The following ADK variants were observed in gnomAD, a reference collection of about 807,000 sequenced individuals.
The protein encoded by ADK is adenosine kinase.
Under a neutral mutation model 44.7 loss-of-function variants are expected in ADK, and 24 were observed. The ratio of observed to expected loss-of-function variants is 0.54; its 90% CI spans 0.39 to 0.76. ADK has a LOEUF of 0.76. Among genes scored for constraint, ADK ranks in the 30% least tolerant of loss-of-function variants. The pLI, the probability that ADK is intolerant of heterozygous loss-of-function variation, is 0.00. For missense variants in ADK, 321 were observed against 425.1 expected (o/e 0.76, Z 2.15); for synonymous variants, 128 against 142.6 (o/e 0.90, Z 0.73).
At chr10:74,448,877 T>G (rs1368595547) in intron 6 of ADK, among the ~76,000 whole-genome samples, 4 of 149,052 alleles carry the variant, frequency 2.7e-5, no homozygotes, top group Non-Finnish European at 4.4e-5. Context: ...GTATACTGCC[T>G]TTTTTAAAAA....
intron 1 of ADK, among the ~76,000 whole-genome samples, chr10:74,165,352 AAC>A (rs1325032360): frequency 6.6e-6 from 1 of 152,170 alleles, no homozygotes; most frequent in East Asian, 1.9e-4. Flanking sequence ...TCAGTAAGGT[AAC>A]ACAGTAAGTT....
chr10:74,571,375 C>G (rs1219479466), intron 7 of ADK, among the ~76,000 whole-genome samples: 1 of 151,864 alleles, frequency 6.6e-6, no homozygotes, highest in Non-Finnish European at 1.5e-5. Flanking sequence ...ACCAGCTCCT[C>G]CTTGTACCTC....
At chr10:74,636,100 A>G (rs369853083) in intron 9 of ADK, among the ~76,000 whole-genome samples, 65 of 152,266 alleles carry the variant, frequency 4.3e-4, no homozygotes, top group African/African-American at 1.5e-3. Flanking sequence ...CAAAAAAAAA[A>G]AGTCTACTTT....
rs1226011320 is a variant in ADK at position 74,356,010 on chromosome 10, T to A, written c.274-38131T>A. 6.1e-4 allele frequency among the ~76,000 whole-genome samples: 79 copies of A among 128,796 alleles called. 7 individuals carry two copies. Among genetic ancestry groups the A allele is most frequent in the Non-Finnish European group, 9.8e-4 (59 of 60,492 alleles). 84.5% of individuals were successfully genotyped at this position (128,796 alleles called of 152,430 possible). A position where few individuals can be genotyped will look rare whatever the true frequency, so the allele number is the denominator to read the frequency against. On this transcript the variant is annotated intron_variant, in intron 4 of 10. Coordinates refer to ENST00000539909, the MANE Select transcript of ADK (RefSeq NM_006721.4). Reference sequence around the variant, plus strand: ...ATTTCACTAAATAATTCATTTTTTTTTTTTTTTTTTTTTTTTTTTGAGACG... The same window carrying A: ...ATTTCACTAAATAATTCATTTTTTTATTTTTTTTTTTTTTTTTTTGAGACG...
intron 3 of ADK, among the ~76,000 whole-genome samples, chr10:74,297,090 C>T (rs546858239): frequency 6.6e-6 from 1 of 152,144 alleles, no homozygotes; most frequent in Non-Finnish European, 1.5e-5. Context: ...CTGGTTGTTA[C>T]AGAACAAGCT....
At chr10:74,553,201 T>TTTG (rs1850101491) in intron 7 of ADK, among the ~76,000 whole-genome samples, 1 of 122,058 alleles carries the variant, frequency 8.2e-6, no homozygotes, top group East Asian at 2.4e-4. Context: ...TTTTTTTTTT[T>TTTG]TTTTTTTTTT....
intron 10 of ADK, among the ~76,000 whole-genome samples, chr10:74,684,134 G>T (rs1489855348): frequency 6.6e-6 from 1 of 152,166 alleles, no homozygotes. Flanking sequence ...GCCATCAGAG[G>T]ATAATTAGAA....
intron 10 of ADK, among the ~76,000 whole-genome samples, chr10:74,691,456 A>G (rs1274164746): frequency 6.6e-6 from 1 of 152,234 alleles, no homozygotes; most frequent in Non-Finnish European, 1.5e-5. Flanking sequence ...GTGAAGTTTG[A>G]TATTACTCAT....
intron 3 of ADK, among the ~76,000 whole-genome samples, chr10:74,291,080 G>T (rs1591994849): frequency 6.6e-6 from 1 of 152,086 alleles, no homozygotes; most frequent in African/African-American, 2.4e-5. Context: ...ACGTACTAAA[G>T]AATATAGGAG....
At chr10:74,154,556 A>AC (rs1426654422) in intron 1 of ADK, among the ~76,000 whole-genome samples, 1 of 152,196 alleles carries the variant, frequency 6.6e-6, no homozygotes, top group Non-Finnish European at 1.5e-5. Flanking sequence ...GGTGTGAGCC[A>AC]CCGTGCCCTG....
chr10:74,592,153 AT>A (rs1851747257), intron 8 of ADK, among the ~76,000 whole-genome samples: 1 of 152,108 alleles, frequency 6.6e-6, no homozygotes, highest in East Asian at 1.9e-4. Flanking sequence ...ATAAGAGAGG[AT>A]TTTTTTATAT....
chr10:74,502,001 G>C (rs10824193), intron 6 of ADK, among the ~76,000 whole-genome samples: 1 of 151,934 alleles, frequency 6.6e-6, no homozygotes, highest in Non-Finnish European at 1.5e-5. Context: ...GAAATCAGTT[G>C]ATTTAAGACT....
intron 4 of ADK, among the ~76,000 whole-genome samples, chr10:74,334,098 A>G (rs938769635): frequency 6.6e-6 from 1 of 152,204 alleles, no homozygotes; most frequent in African/African-American, 2.4e-5. Flanking sequence ...AACCAGTATC[A>G]GAAATAAGAT....
chr10:74,158,900 C>T (rs923105945), intron 1 of ADK, among the ~76,000 whole-genome samples: 2 of 152,206 alleles, frequency 1.3e-5, no homozygotes, highest in Admixed American at 1.3e-4. Flanking sequence ...GGCTTTTCTT[C>T]CTCTCCAGTA....
At chr10:74,195,707 C>CTTTTTTTTTTTT (rs71475265) in intron 1 of ADK, among the ~76,000 whole-genome samples, 19 of 97,522 alleles carry the variant, frequency 1.9e-4, no homozygotes, top group Admixed American at 3.7e-4. Context: ...TCTTTTCTTT[C>CTTTTTTTTTTTT]TTTTTTTTTT....
intron 4 of ADK, among the ~76,000 whole-genome samples, chr10:74,382,147 G>T (rs1260147996): frequency 6.6e-6 from 1 of 152,074 alleles, no homozygotes; most frequent in African/African-American, 2.4e-5. Context: ...ACTCAGGCTG[G>T]AGTGCAAGTG....
At chr10:74,579,160 G>C (rs1188714883) in intron 7 of ADK, among the ~76,000 whole-genome samples, 2 of 151,938 alleles carry the variant, frequency 1.3e-5, no homozygotes, top group Admixed American at 1.3e-4. Flanking sequence ...CTTGAACCGG[G>C]GAGGCAGAGG....
At chr10:74,620,343 C>G (rs911700287) in intron 9 of ADK, among the ~76,000 whole-genome samples, 1 of 152,146 alleles carries the variant, frequency 6.6e-6, no homozygotes, top group Non-Finnish European at 1.5e-5. Context: ...TTTTTAGCTT[C>G]CACGTACGAG....
chr10:74,383,381 A>T (rs980801603), intron 4 of ADK, among the ~76,000 whole-genome samples: 6 of 77,712 alleles, frequency 7.7e-5, no homozygotes, highest in South Asian at 3.7e-4. Context: ...TCCAGTAGTC[A>T]GTCTGTCTGT....
Sources: allele counts gnomAD v4.1 joint callset (sites outside exome capture counted in the v4.1 genomes callset), GRCh38; gene constraint gnomAD v4.1.1; transcripts MANE v1.5; gene names NCBI Gene and HGNC (gene_info 2026-07-23, HGNC 2026-07-21).